Variants in UGT1A8 observed in about 807,000 individuals in gnomAD.
The protein encoded by UGT1A8 is UDP glucuronosyltransferase family 1 member A8, also known as UDP-glucuronosyltransferase 1A8.
UGT1A8 carries 39 observed loss-of-function variants against 45.3 expected under a neutral mutation model. That is an observed-to-expected ratio of 0.86 (90% confidence interval 0.67 to 1.12). UGT1A8 has a LOEUF of 1.12. Ranked by LOEUF, UGT1A8 falls within the 50% of genes most tolerant of loss-of-function variation. The pLI is 0.00. For missense variants in UGT1A8, 719 were observed against 664.9 expected (o/e 1.08, Z -0.90); for synonymous variants, 275 against 249.2 (o/e 1.10, Z -0.97).
intron 1 of UGT1A8, among the ~76,000 whole-genome samples, chr2:233,704,504 T>C (rs1158641825): frequency 1.3e-5 from 2 of 152,204 alleles, no homozygotes; most frequent in African/African-American, 2.4e-5. Context: ...TTATACGTGG[T>C]ACATCTATAT....
At chr2:233,671,847 G>A in intron 1 of UGT1A8, 1 of 1,494,272 alleles carries the variant, frequency 6.7e-7, no homozygotes, top group Non-Finnish European at 8.9e-7. Flanking sequence ...CCCTCTATTG[G>A]GGTCAGGTTT....
At chr2:233,747,515 T>C in intron 1 of UGT1A8, 2 of 1,607,616 alleles carry the variant, frequency 1.2e-6, no homozygotes, top group Non-Finnish European at 1.7e-6. Context: ...AACTGTACTT[T>C]GAAACAGAAC....
chr2:233,724,170 C>A (rs1159618034), intron 1 of UGT1A8, among the ~76,000 whole-genome samples: 1 of 122,814 alleles, frequency 8.1e-6, no homozygotes, highest in African/African-American at 3.5e-5. Context: ...GCTGACCCCC[C>A]CATCTCCCTC....
rs772438338 is a variant in UGT1A8 at position 233,618,463 on chromosome 2, G to A, written c.756G>A (p.Leu252=). The A allele has an allele frequency of 6.2e-7, 1 of 1,613,872 alleles. No individual in the cohort carries two copies. Among genetic ancestry groups the A allele is most frequent in the Non-Finnish European group, 8.5e-7 (1 of 1,179,816 alleles). ...YDLYSHTSIW[L]LRTDFVLDYP... ...TCTACAGCCACACATCAATTTGGTT[G>A]TTGCGAACAGACTTTGTTTTGGACT... is the stretch of plus-strand genomic sequence containing the variant. The change falls in exon 1 of 5, where the codon TTG becomes TTA. Residue 252 remains leucine (L), a synonymous_variant. Coordinates refer to ENST00000373450, the MANE Select transcript of UGT1A8 (RefSeq NM_019076.5).
intron 1 of UGT1A8, among the ~76,000 whole-genome samples, chr2:233,688,342 C>G (rs10168333): frequency 6.6e-6 from 1 of 151,982 alleles, no homozygotes; most frequent in Non-Finnish European, 1.5e-5. Flanking sequence ...TTCCCATTTT[C>G]AGCCATGAAA....
chr2:233,719,681 A>G (rs1559365276), intron 1 of UGT1A8: 10 of 1,614,106 alleles, frequency 6.2e-6, no homozygotes, highest in Non-Finnish European at 8.5e-6. Context: ...GGAAGCCACT[A>G]TCTCAGGTCT....
chr2:233,738,866 G>C (rs1369397028), intron 1 of UGT1A8: 1 of 152,204 alleles, frequency 6.6e-6, no homozygotes, highest in Non-Finnish European at 1.5e-5. Context: ...TGGGGAAAAT[G>C]GCTCCAGGGC....
chr2:233,620,160 A>G (rs948970168), intron 1 of UGT1A8, among the ~76,000 whole-genome samples: 1 of 152,218 alleles, frequency 6.6e-6, no homozygotes, highest in South Asian at 2.1e-4. Context: ...CCGTTCAGCC[A>G]TCTCACAGGA....
chr2:233,666,825 G>A (rs2074087427), intron 1 of UGT1A8, among the ~76,000 whole-genome samples: 1 of 130,532 alleles, frequency 7.7e-6, no homozygotes, highest in Non-Finnish European at 1.6e-5. Context: ...ACAGGCCCTG[G>A]TGTGTGATGT....
chr2:233,755,042 G>GCCGCCCT (rs756876543), intron 1 of UGT1A8: 2 of 1,323,886 alleles, frequency 1.5e-6, no homozygotes, highest in African/African-American at 3.0e-5. Context: ...CGCCTGCGCA[G>GCCGCCCT]CCGCCCTCCG....
At chr2:233,739,325 C>T (rs894619424) in intron 1 of UGT1A8, among the ~76,000 whole-genome samples, 5 of 152,154 alleles carry the variant, frequency 3.3e-5, no homozygotes, top group African/African-American at 1.2e-4. Flanking sequence ...GAGAAGAAGG[C>T]CACAGTCCTT....
chr2:233,741,715 A>AG (rs2125837750), intron 1 of UGT1A8: 1 of 152,002 alleles, frequency 6.6e-6, no homozygotes, highest in African/African-American at 2.4e-5. Context: ...TGAGGGTTCT[A>AG]GAGCATATCC....
intron 1 of UGT1A8, among the ~76,000 whole-genome samples, chr2:233,737,833 T>A (rs1346055905): frequency 6.6e-6 from 1 of 152,174 alleles, no homozygotes; most frequent in African/African-American, 2.4e-5. Flanking sequence ...AATTGGGAAC[T>A]GTGGCACAGG....
intron 1 of UGT1A8, among the ~76,000 whole-genome samples, chr2:233,709,281 C>T (rs2125615008): frequency 6.6e-6 from 1 of 152,106 alleles, no homozygotes; most frequent in East Asian, 1.9e-4. Flanking sequence ...GTGAATTACC[C>T]TTCAATTAAT....
chr2:233,718,616 C>A (rs573810131), intron 1 of UGT1A8: 11 of 858,600 alleles, frequency 1.3e-5, no homozygotes, highest in South Asian at 5.3e-5. Context: ...TCAAGATAGG[C>A]GTGATTGGTC....
At chr2:233,724,265 G>C (rs1471463851) in intron 1 of UGT1A8, among the ~76,000 whole-genome samples, 1 of 132,982 alleles carries the variant, frequency 7.5e-6, no homozygotes, top group African/African-American at 2.9e-5. Context: ...CCTCCCGGAC[G>C]GGGCGGCTGG....
At chr2:233,637,061 G>T (rs748336675) in intron 1 of UGT1A8, 27 of 1,613,878 alleles carry the variant, frequency 1.7e-5, no homozygotes, top group Non-Finnish European at 2.2e-5. Flanking sequence ...CTTGAAGAAG[G>T]TGCACAGTGC....
intron 1 of UGT1A8, among the ~76,000 whole-genome samples, chr2:233,694,225 A>T (rs1242026772): frequency 6.6e-6 from 1 of 152,116 alleles, no homozygotes; most frequent in African/African-American, 2.4e-5. Context: ...ACTCTGTCCC[A>T]TGCTTTGTCT....
In UGT1A8 at chr2:233,747,595, G is replaced by C. The variant is rs188498977; in HGVS notation, c.856-19439G>C. The C allele has an allele frequency of 1.4e-3, 2,167 of 1,576,574 alleles. 6 individuals are homozygous for C. Among genetic ancestry groups the C allele is most frequent in the Non-Finnish European group, 1.7e-3 (1,986 of 1,146,462 alleles). On this transcript the variant is annotated intron_variant, in intron 1 of 4. Transcript: ENST00000373450. ...TCATCTTTGGTCTTTCATAGGTCTT[G>C]TGTGGAGCTACTGCATAATGAGGCC...
Sources: allele counts gnomAD v4.1 joint callset (sites outside exome capture counted in the v4.1 genomes callset), GRCh38; gene constraint gnomAD v4.1.1; transcripts MANE v1.5; gene names NCBI Gene and HGNC (gene_info 2026-07-23, HGNC 2026-07-21).